Variants in NUP210L observed in about 807,000 individuals in gnomAD.
The protein encoded by NUP210L is nucleoporin 210 like.
In NUP210L, 74 loss-of-function variants were observed where a neutral mutation model predicts 208.5. The observed-to-expected ratio is 0.35, with a 90% CI of 0.29 to 0.43. The LOEUF (loss-of-function observed/expected upper bound fraction) is 0.43, where lower values mean the gene tolerates loss of function less well. Among genes scored for constraint, NUP210L ranks in the 20% least tolerant of loss-of-function variants. The pLI is 1.00. For missense variants in NUP210L, 1,843 were observed against 2,289.4 expected (o/e 0.81, Z 3.98); for synonymous variants, 780 against 816.9 (o/e 0.95, Z 0.77).
intron 16 of NUP210L, among the ~76,000 whole-genome samples, chr1:154,071,090 G>GT (rs1477482227): frequency 2.0e-5 from 3 of 147,504 alleles, no homozygotes; most frequent in Non-Finnish European, 3.0e-5. Flanking sequence ...GTTTTGTTTT[G>GT]TTTTTTGTTT....
At chr1:154,032,125 TC>T (rs1652262531) in intron 27 of NUP210L, among the ~76,000 whole-genome samples, 1 of 152,170 alleles carries the variant, frequency 6.6e-6, no homozygotes, top group East Asian at 1.9e-4. Flanking sequence ...TTAAGTTGCT[TC>T]CAAATCTTGG....
At chr1:154,152,858 T>A (rs769182531) in exon 2 of NUP210L, 1 of 1,614,066 alleles carries the variant, frequency 6.2e-7, no homozygotes, top group Non-Finnish European at 8.5e-7. Context: ...AACTGCATCA[T>A]GATGGGTGGA....
At chr1:154,046,651 G>C (rs1653200782) in intron 25 of NUP210L, among the ~76,000 whole-genome samples, 1 of 152,214 alleles carries the variant, frequency 6.6e-6, no homozygotes, top group South Asian at 2.1e-4. Flanking sequence ...GATGGAACTA[G>C]AGATCATTAT....
intron 14 of NUP210L, among the ~76,000 whole-genome samples, chr1:154,097,036 T>C (rs1259646923): frequency 6.6e-6 from 1 of 152,122 alleles, no homozygotes; most frequent in Non-Finnish European, 1.5e-5. Flanking sequence ...ATTGCACCAC[T>C]GCATTCCAGC....
At chr1:154,021,333 A>G (rs1027956436) in intron 32 of NUP210L, among the ~76,000 whole-genome samples, 30 of 152,130 alleles carry the variant, frequency 2.0e-4, no homozygotes, top group African/African-American at 7.0e-4. Context: ...TAAAAAATAT[A>G]AAAATTAGCC....
At position 154,032,243 on chromosome 1, in the gene NUP210L, A is replaced by G. The variant is rs570472525; in HGVS notation, c.3697-2189T>C. ...CTAGCAGTGGGATTGTTGGGATCATATGGTAGTTTTATATTTAGTTTTTTG... is the reference window on the plus strand; with the variant it reads ...CTAGCAGTGGGATTGTTGGGATCATGTGGTAGTTTTATATTTAGTTTTTTG... On this transcript the variant is annotated intron_variant, in intron 27 of 39. Coordinates refer to ENST00000368559, the Ensembl canonical transcript of NUP210L. Among the ~76,000 whole-genome samples, 3 of 152,262 alleles carry G rather than the reference A, an allele frequency of 2.0e-5. No individual in the cohort carries two copies. The South Asian group carries it at 6.2e-4, about 32-fold the overall frequency.
intron 17 of NUP210L, among the ~76,000 whole-genome samples, chr1:154,065,672 T>C (rs978389696): frequency 1.3e-5 from 2 of 151,800 alleles, no homozygotes; most frequent in African/African-American, 4.8e-5. Context: ...GCAGGTGGAT[T>C]GCCTGAGCTC....
intron 17 of NUP210L, among the ~76,000 whole-genome samples, chr1:154,065,737 C>T (rs1282928627): frequency 6.6e-6 from 1 of 151,512 alleles, no homozygotes; most frequent in African/African-American, 2.4e-5. Context: ...TACTAAAATA[C>T]AAAAAATTAG....
At chr1:154,111,675 T>C (rs376384366) in intron 12 of NUP210L, among the ~76,000 whole-genome samples, 1 of 151,634 alleles carries the variant, frequency 6.6e-6, no homozygotes, top group East Asian at 1.9e-4. Context: ...GCCCAGGACT[T>C]GATGGATTCA....
In NUP210L at chr1:153,992,907, A is replaced by T. The variant is rs1557897824; in HGVS notation, c.5595T>A (p.Pro1865=). Residue 1865 remains proline, a synonymous_variant, in exon 40 of 40, where the codon CCT becomes CCA. Transcript: ENST00000368559. ...ATGGAGGTTGTAGACTCATGAAGTGAGGGGGAGAACTTGTGGAGTTAAAAA... is the reference window on the plus strand; with the variant it reads ...ATGGAGGTTGTAGACTCATGAAGTGTGGGGGAGAACTTGTGGAGTTAAAAA... 2.5e-6 allele frequency: 4 copies of T among 1,613,168 alleles called. No individual in the cohort carries two copies. The South Asian group carries it at 4.4e-5, about 18-fold the overall frequency.
At chr1:154,124,608 G>A (rs1403150032) in intron 10 of NUP210L, among the ~76,000 whole-genome samples, 1 of 152,154 alleles carries the variant, frequency 6.6e-6, no homozygotes, top group Non-Finnish European at 1.5e-5. Context: ...AATGTTTGGG[G>A]CATGGGTAAA....
chr1:154,112,390 A>C (rs920584217), intron 12 of NUP210L, among the ~76,000 whole-genome samples: 1 of 152,100 alleles, frequency 6.6e-6, no homozygotes, highest in Non-Finnish European at 1.5e-5. Flanking sequence ...TGGGTGACAG[A>C]GCAAGAACTT....
At chr1:154,048,752 C>T (rs533686387) in intron 25 of NUP210L, among the ~76,000 whole-genome samples, 3 of 152,088 alleles carry the variant, frequency 2.0e-5, no homozygotes, top group Non-Finnish European at 4.4e-5. Context: ...GGACCCTTGC[C>T]AGCGGGGATG....
At chr1:153,999,623 G>A (rs1348310341) in intron 37 of NUP210L, among the ~76,000 whole-genome samples, 1 of 149,778 alleles carries the variant, frequency 6.7e-6, no homozygotes, top group African/African-American at 2.5e-5. Flanking sequence ...TGTAATCCCA[G>A]CTACTCAGGA....
chr1:154,022,298 G>T lies in NUP210L; in HGVS notation c.4344C>A (p.Tyr1448Ter). The change falls in exon 32 of 40, where the codon TAC (tyrosine) becomes TAA (stop). Residue 1448 changes from tyrosine (Y) to a stop codon, truncating the protein, a stop_gained. Transcript: ENST00000368559. LOFTEE classifies it high-confidence loss of function. ...GCCCTCTGTTCACAGCCTGGGCCAT[G>T]TAAGTATAGTTCTTATTCCCTGGTC... 6.2e-7 allele frequency: 1 copy of T among 1,614,128 alleles called. No homozygotes were observed. The highest frequency in any genetic ancestry group is 8.5e-7 in the Non-Finnish European group (1 of 1,180,020).
chr1:154,136,659 G>T (rs1434860605), intron 6 of NUP210L, among the ~76,000 whole-genome samples: 1 of 151,192 alleles, frequency 6.6e-6, no homozygotes, highest in South Asian at 2.1e-4. Context: ...GGTGGTTCAC[G>T]CCTGTAATCC....
intron 4 of NUP210L, 151 bp from the exon 5 acceptor site, chr1:154,140,103 C>T (rs569794144): frequency 3.2e-6 from 2 of 620,258 alleles, no homozygotes; most frequent in South Asian, 2.4e-5. Flanking sequence ...GTAATCCTAG[C>T]ACTTTGGGAG....
chr1:154,146,130 G>A (rs1297691737), intron 2 of NUP210L, among the ~76,000 whole-genome samples: 1 of 152,024 alleles, frequency 6.6e-6, no homozygotes, highest in Non-Finnish European at 1.5e-5. Flanking sequence ...AAGTAAGAAA[G>A]CACAATCAAT....
intron 27 of NUP210L, among the ~76,000 whole-genome samples, chr1:154,036,763 C>CT (rs1019890141): frequency 6.6e-6 from 1 of 151,242 alleles, no homozygotes; most frequent in Non-Finnish European, 1.5e-5. Context: ...ATTTTTTGGA[C>CT]TTTTTTTTTC....
Sources: gnomAD v4.1 joint callset for allele counts (sites outside exome capture counted in the v4.1 genomes callset) on GRCh38, gnomAD v4.1.1 for gene constraint, MANE v1.5 for transcripts, NCBI Gene and HGNC (gene_info 2026-07-23, HGNC 2026-07-21) for gene names.